Variants in PRTFDC1 observed in about 807,000 individuals in gnomAD.
The protein encoded by PRTFDC1 is phosphoribosyl transferase domain containing 1.
A neutral mutation model predicts 34.6 loss-of-function variants in PRTFDC1; 38 were observed. The observed-to-expected ratio is 1.10, with a 90% CI of 0.85 to 1.44. The LOEUF (loss-of-function observed/expected upper bound fraction) is 1.44, where lower values mean the gene tolerates loss of function less well. Among genes scored for constraint, PRTFDC1 ranks in the 40% most tolerant of loss-of-function variants. The pLI, the probability that PRTFDC1 is intolerant of heterozygous loss-of-function variation, is 0.00. For missense variants in PRTFDC1, 270 were observed against 283.0 expected (o/e 0.95, Z 0.33); for synonymous variants, 93 against 98.1 (o/e 0.95, Z 0.31).
At chr10:24,888,957 T>A (rs932233903) in intron 3 of PRTFDC1, among the ~76,000 whole-genome samples, 2 of 152,128 alleles carry the variant, frequency 1.3e-5, no homozygotes, top group African/African-American at 4.8e-5. Flanking sequence ...GATTTCTCAT[T>A]TACTTCATCT....
intron 3 of PRTFDC1, among the ~76,000 whole-genome samples, chr10:24,897,876 T>C (rs1043019293): frequency 1.3e-5 from 2 of 152,174 alleles, no homozygotes; most frequent in Non-Finnish European, 2.9e-5. Context: ...TAGCAGCAAG[T>C]CTAATGGGAC....
At chr10:24,922,783 T>C (rs922088936) in intron 3 of PRTFDC1, among the ~76,000 whole-genome samples, 2 of 152,190 alleles carry the variant, frequency 1.3e-5, no homozygotes, top group African/African-American at 2.4e-5. Context: ...GTTCATCTTA[T>C]TGGGACGGGT....
chr10:24,862,257 A>C (rs983895695), intron 4 of PRTFDC1, among the ~76,000 whole-genome samples: 3 of 152,210 alleles, frequency 2.0e-5, no homozygotes, highest in African/African-American at 7.2e-5. Flanking sequence ...AAATTTCCCC[A>C]GTTGTCCTTA....
chr10:24,941,600 G>A (rs1849158873), intron 2 of PRTFDC1, among the ~76,000 whole-genome samples: 1 of 152,032 alleles, frequency 6.6e-6, no homozygotes, highest in South Asian at 2.1e-4. Context: ...TTAAGAATAT[G>A]CATTTTAACA....
chr10:24,937,380 T>C lies in PRTFDC1; in HGVS notation c.156-13A>G. On this transcript the variant is annotated splice_polypyrimidine_tract_variant and intron_variant, in intron 2 of 8. Coordinates refer to ENST00000320152, the MANE Select transcript of PRTFDC1 (RefSeq NM_020200.7). ...CAGCCGCTCAATTCTGAAAGAAGGATAAAAGATATATTAAGGCACAACTAC... is the reference window on the plus strand; with the variant it reads ...CAGCCGCTCAATTCTGAAAGAAGGACAAAAGATATATTAAGGCACAACTAC... 1 of 1,600,378 alleles carries C rather than the reference T, an allele frequency of 6.2e-7. No homozygotes were observed.
Position 24,952,477 on chromosome 10 carries a change from C to T in PRTFDC1, c.48+51G>A. Reference sequence around the variant, plus strand: ...AGCATTTAATCTACAAGCAGGGTGCCAGGGAGGGAGGGGAGCGGGCCGAGC... The same window carrying T: ...AGCATTTAATCTACAAGCAGGGTGCTAGGGAGGGAGGGGAGCGGGCCGAGC... On this transcript the variant is annotated intron_variant, in intron 1 of 8. Transcript: ENST00000320152. This position sits in a 1 kb window ranked among gnomAD's most constrained non-coding sequence, Gnocchi z 5.1. 1 of 1,538,756 alleles carries T rather than the reference C, an allele frequency of 6.5e-7. No homozygotes were observed. Among genetic ancestry groups the T allele is most frequent in the Non-Finnish European group, 8.8e-7 (1 of 1,133,170 alleles).
At chr10:24,893,571 C>T (rs999162520) in intron 3 of PRTFDC1, among the ~76,000 whole-genome samples, 3 of 152,138 alleles carry the variant, frequency 2.0e-5, no homozygotes, top group Non-Finnish European at 4.4e-5. Flanking sequence ...TAGCCTCCTA[C>T]AGTGCTGCAA....
chr10:24,875,186 G>A lies in PRTFDC1; in HGVS notation c.340-3123C>T, dbSNP rs181890587. ...GAGGTACAATGCGATGTTATGATAC[G>A]TTTCTACATTATGGAATGATCAGAT... is the stretch of plus-strand genomic sequence containing the variant. On this transcript the variant is annotated intron_variant, in intron 3 of 8. Coordinates refer to ENST00000320152, the MANE Select transcript of PRTFDC1 (RefSeq NM_020200.7). Among the ~76,000 whole-genome samples, 9 of 152,212 alleles carry A rather than the reference G, an allele frequency of 5.9e-5. No homozygotes were observed. In the East Asian group the frequency reaches 1.4e-3, roughly 23 times the overall value.
chr10:24,889,421 A>G (rs1046483761), intron 3 of PRTFDC1, among the ~76,000 whole-genome samples: 1 of 152,220 alleles, frequency 6.6e-6, no homozygotes, highest in Non-Finnish European at 1.5e-5. Context: ...ATACGGACTA[A>G]GACAGCACCT....
intron 4 of PRTFDC1, among the ~76,000 whole-genome samples, chr10:24,860,970 C>T (rs7068993): frequency 0.11 from 16,389 of 152,176 alleles, 2,255 homozygotes; most frequent in African/African-American, 0.33. Context: ...ATGTGTTAGT[C>T]TGCATTCCTG....
At chr10:24,850,027 T>C in intron 8 of PRTFDC1, 136 bp from the exon 9 acceptor site, 1 of 810,078 alleles carries the variant, frequency 1.2e-6, no homozygotes, top group Admixed American at 2.1e-5. Context: ...TATTTATATG[T>C]GTGGGTAAAA....
chr10:24,885,707 C>T (rs1371679414), intron 3 of PRTFDC1, among the ~76,000 whole-genome samples: 1 of 152,166 alleles, frequency 6.6e-6, no homozygotes, highest in Non-Finnish European at 1.5e-5. Flanking sequence ...ACCTGGCCAG[C>T]AGCTTTATTT....
chr10:24,935,626 C>T (rs936130613), intron 3 of PRTFDC1, among the ~76,000 whole-genome samples: 6 of 152,134 alleles, frequency 3.9e-5, no homozygotes, highest in Admixed American at 2.0e-4. Context: ...GACTTGTAAA[C>T]GTGGTGGGAA....
intron 3 of PRTFDC1, among the ~76,000 whole-genome samples, 186 bp downstream of exon 3, chr10:24,936,998 C>A (rs371676470): frequency 6.6e-6 from 1 of 152,148 alleles, no homozygotes; most frequent in African/African-American, 2.4e-5. Context: ...GGTCCCCACC[C>A]CACGCCCTAA....
At chr10:24,888,197 T>A (rs532595903) in intron 3 of PRTFDC1, among the ~76,000 whole-genome samples, 21 of 152,168 alleles carry the variant, frequency 1.4e-4, no homozygotes, top group African/African-American at 5.1e-4. Flanking sequence ...TGAAAGCAGC[T>A]CGAGGATAGG....
At chr10:24,928,558 C>G (rs1341445596) in intron 3 of PRTFDC1, among the ~76,000 whole-genome samples, 1 of 152,114 alleles carries the variant, frequency 6.6e-6, no homozygotes, top group Non-Finnish European at 1.5e-5. Flanking sequence ...ATTCTATTGC[C>G]TCAGCCTCCC....
intron 1 of PRTFDC1, among the ~76,000 whole-genome samples, chr10:24,943,770 T>C (rs1849209078): frequency 6.6e-6 from 1 of 152,092 alleles, no homozygotes; most frequent in Non-Finnish European, 1.5e-5. Flanking sequence ...CAGGCTGGTC[T>C]TGAGCTCATG....
chr10:24,851,874 A>G (rs2132484599), intron 7 of PRTFDC1, among the ~76,000 whole-genome samples: 1 of 152,016 alleles, frequency 6.6e-6, no homozygotes, highest in East Asian at 2.0e-4. Context: ...ACGACGCTGC[A>G]TTATGTGAAC....
intron 3 of PRTFDC1, among the ~76,000 whole-genome samples, chr10:24,875,200 G>C (rs1009032690): frequency 1.3e-5 from 2 of 152,160 alleles, no homozygotes; most frequent in African/African-American, 2.4e-5. Flanking sequence ...CTACATTATG[G>C]AATGATCAGA....
Sources: gnomAD v4.1 joint callset for allele counts (sites outside exome capture counted in the v4.1 genomes callset) on GRCh38, gnomAD v4.1.1 for gene constraint, Gnocchi (gnomAD v3.1) non-coding constraint, MANE v1.5 for transcripts, NCBI Gene and HGNC (gene_info 2026-07-23, HGNC 2026-07-21) for gene names.